The following RAD51B variants were observed in gnomAD, a reference collection of about 807,000 sequenced individuals.
The protein encoded by RAD51B is RAD51 paralog B, also known as DNA repair protein RAD51 homolog 2.
Under a neutral mutation model 42.2 loss-of-function variants are expected in RAD51B, and 38 were observed. That is an observed-to-expected ratio of 0.90 (90% CI 0.70 to 1.18). The LOEUF (loss-of-function observed/expected upper bound fraction) is 1.18, where lower values mean the gene tolerates loss of function less well. RAD51B is among the 50% of genes most tolerant of loss of function. The pLI is 0.00. For missense variants in RAD51B, 373 were observed against 400.7 expected (o/e 0.93, Z 0.59); for synonymous variants, 154 against 145.2 (o/e 1.06, Z -0.43).
chr14:67,891,622 T>C (rs12432558), intron 7 of RAD51B, among the ~76,000 whole-genome samples: 49,681 of 151,838 alleles, frequency 0.33, 8,693 homozygotes, highest in Middle Eastern at 0.46. Flanking sequence ...CTCTTTTTAA[T>C]GGTGAACTTC....
At chr14:68,354,835 AAAG>A (rs2139886695) in intron 8 of RAD51B, among the ~76,000 whole-genome samples, 1 of 152,270 alleles carries the variant, frequency 6.6e-6, no homozygotes, top group Admixed American at 6.5e-5. Flanking sequence ...CAAGTAGCAA[AAAG>A]AAGTAGTGGA....
intron 8 of RAD51B, among the ~76,000 whole-genome samples, chr14:68,368,633 A>G (rs1186823541): frequency 6.6e-6 from 1 of 152,114 alleles, no homozygotes; most frequent in East Asian, 1.9e-4. Flanking sequence ...ATGCTCTATG[A>G]TGGGGCAGTG....
At chr14:68,650,049 C>T (rs1259736791) in intron 10 of RAD51B, among the ~76,000 whole-genome samples, 1 of 152,156 alleles carries the variant, frequency 6.6e-6, no homozygotes, top group East Asian at 1.9e-4. Context: ...CCCCGCAGAG[C>T]CTAATTTCTC....
intron 10 of RAD51B, among the ~76,000 whole-genome samples, chr14:68,524,992 C>G (rs1566925746): frequency 6.6e-6 from 1 of 152,150 alleles, no homozygotes; most frequent in East Asian, 1.9e-4. Context: ...TCCTTTGAAC[C>G]TGTGCATATG....
intron 7 of RAD51B, among the ~76,000 whole-genome samples, chr14:67,918,230 T>C (rs941639999): frequency 2.6e-5 from 4 of 151,878 alleles, no homozygotes; most frequent in African/African-American, 9.7e-5. Flanking sequence ...GGAAGGGAAA[T>C]AATTTTATTT....
intron 9 of RAD51B, among the ~76,000 whole-genome samples, chr14:68,433,823 CT>C (rs1176878656): frequency 1.4e-4 from 21 of 152,340 alleles, no homozygotes; most frequent in Admixed American, 1.4e-3. Flanking sequence ...GAGAGGCACT[CT>C]GATTTTTAGA....
At chr14:68,400,105 C>A (rs1566859107) in intron 8 of RAD51B, among the ~76,000 whole-genome samples, 1 of 152,144 alleles carries the variant, frequency 6.6e-6, no homozygotes, top group Non-Finnish European at 1.5e-5. Flanking sequence ...CAAGCTAAGG[C>A]CTGGGCAAAG....
intron 10 of RAD51B, chr14:68,545,481 G>A: frequency 7.0e-6 from 3 of 431,258 alleles, no homozygotes; most frequent in Non-Finnish European, 9.3e-6. Flanking sequence ...TTTTCAGAAT[G>A]GAACAATATT....
chr14:68,220,312 T>C (rs2079898681), intron 7 of RAD51B, among the ~76,000 whole-genome samples: 1 of 152,186 alleles, frequency 6.6e-6, no homozygotes, highest in Admixed American at 6.5e-5. Flanking sequence ...TGGTTTAACA[T>C]ATGTCAGTCA....
rs775590507 is a variant in RAD51B, at chr14:68,650,836, T to A, written c.1092T>A (p.Asn364Lys). ...CAATCCAGAACAGACTAAAAGAAAA[T>A]GAGTCCTGAGATTGCTACAGGTATG... Residue 364 changes from asparagine to lysine, a missense_variant, in exon 11 of 12, where the codon AAT becomes AAA. By Grantham distance (94) the Asn-to-Lys change is moderately conservative. Coordinates refer to the RAD51B transcript ENST00000488612. 2.0e-5 allele frequency: 15 copies of A among 759,814 alleles called. 1 individual carries two copies. The East Asian group carries it at 3.6e-4, about 18-fold the overall frequency. 47.1% of individuals were successfully genotyped at this position (759,814 alleles called of 1,614,324 possible). A position where few individuals can be genotyped will look rare whatever the true frequency, so the allele number is the denominator to read the frequency against.
intron 7 of RAD51B, among the ~76,000 whole-genome samples, chr14:67,907,461 G>T (rs552728862): frequency 6.6e-6 from 1 of 152,090 alleles, no homozygotes; most frequent in Admixed American, 6.5e-5. Context: ...TTCAGATAAG[G>T]ACTTGTTTCT....
intron 7 of RAD51B, among the ~76,000 whole-genome samples, chr14:67,926,675 T>C (rs372273484): frequency 6.7e-6 from 1 of 148,472 alleles, no homozygotes; most frequent in Non-Finnish European, 1.5e-5. Context: ...GCGATTCTCC[T>C]GCCTCAGCCT....
intron 9 of RAD51B, among the ~76,000 whole-genome samples, chr14:68,433,161 C>G (rs1305046078): frequency 6.6e-6 from 1 of 152,206 alleles, no homozygotes; most frequent in Non-Finnish European, 1.5e-5. Context: ...CCTGACCTTT[C>G]TCTCTGGCTG....
chr14:68,236,259 C>G (rs569887041), intron 7 of RAD51B: 1 of 152,258 alleles, frequency 6.6e-6, no homozygotes, highest in African/African-American at 2.4e-5. Context: ...GAGGTCTTGC[C>G]ATGTTGCCCA....
chr14:68,364,590 G>A (rs2083102827), intron 8 of RAD51B, among the ~76,000 whole-genome samples: 1 of 152,156 alleles, frequency 6.6e-6, no homozygotes, highest in African/African-American at 2.4e-5. Flanking sequence ...TGCCTCTGAG[G>A]TCATTTGTTT....
intron 7 of RAD51B, among the ~76,000 whole-genome samples, chr14:68,153,718 G>C (rs2078439493): frequency 6.6e-6 from 1 of 151,994 alleles, no homozygotes; most frequent in Non-Finnish European, 1.5e-5. Flanking sequence ...ATATATGCCG[G>C]ATATTAGACA....
At chr14:68,469,082 C>G (rs1168591266) in intron 10 of RAD51B, 2 of 512,270 alleles carry the variant, frequency 3.9e-6, no homozygotes, top group Non-Finnish European at 7.8e-6. Context: ...TACATCTGTC[C>G]TCTGCTGTGG....
chr14:68,279,800 A>G (rs1406075181), intron 7 of RAD51B, among the ~76,000 whole-genome samples: 4 of 152,232 alleles, frequency 2.6e-5, no homozygotes, highest in African/African-American at 9.6e-5. Flanking sequence ...TTTTAGAGGT[A>G]TGCATTTGAA....
intron 4 of RAD51B, among the ~76,000 whole-genome samples, chr14:67,845,632 C>T (rs2041585928): frequency 6.6e-6 from 1 of 152,100 alleles, no homozygotes. Context: ...CATGCCACTG[C>T]ACTCCAGCCT....
Sources: gnomAD v4.1 joint callset for allele counts (sites outside exome capture counted in the v4.1 genomes callset) on GRCh38, gnomAD v4.1.1 for gene constraint, MANE v1.5 for transcripts, NCBI Gene and HGNC (gene_info 2026-07-23, HGNC 2026-07-21) for gene names.